The following LARGE1 variants were observed in gnomAD, a reference collection of about 807,000 sequenced individuals.
LARGE1 encodes the protein LARGE xylosyl- and glucuronyltransferase 1, also known as xylosyl- and glucuronyltransferase LARGE1.
In LARGE1, 43 loss-of-function variants were observed where a neutral mutation model predicts 87.6. The observed-to-expected ratio is 0.49, with a 90% CI of 0.38 to 0.63. LARGE1 has a LOEUF of 0.63. Ranked by LOEUF, LARGE1 falls within the 30% of genes least tolerant of loss-of-function variation. The pLI is 0.00. For missense variants in LARGE1, 802 were observed against 1,000.2 expected, an observed-to-expected ratio of 0.80 and a Z score of 2.67; for synonymous variants, 434 against 394.6, an observed-to-expected ratio of 1.10 and a Z score of -1.18.
intron 6 of LARGE1, among the ~76,000 whole-genome samples, chr22:33,535,381 A>G (rs1479957046): frequency 6.6e-6 from 1 of 152,142 alleles, no homozygotes; most frequent in Non-Finnish European, 1.5e-5. Context: ...TGTCTCTACT[A>G]AAAATACGAA....
chr22:33,310,454 G>C (rs1306828261), intron 11 of LARGE1, among the ~76,000 whole-genome samples: 2 of 152,044 alleles, frequency 1.3e-5, no homozygotes, highest in African/African-American at 4.8e-5. Context: ...AGGGAAGGGT[G>C]CTGAGCTGCT....
intron 5 of LARGE1, among the ~76,000 whole-genome samples, chr22:33,577,566 T>C (rs530184178): frequency 2.0e-5 from 3 of 152,228 alleles, no homozygotes; most frequent in Admixed American, 1.3e-4. Context: ...TACCTCCGCC[T>C]TCCCATGGAG....
intron 6 of LARGE1, among the ~76,000 whole-genome samples, chr22:33,553,763 C>A: frequency 1.3e-5 from 2 of 152,268 alleles, no homozygotes; most frequent in Non-Finnish European, 2.9e-5. Flanking sequence ...CAAGGAAGGG[C>A]CCTTGACTGA....
chr22:33,224,139 A>T (rs1925602643), intron 11 of LARGE1, among the ~76,000 whole-genome samples: 1 of 152,034 alleles, frequency 6.6e-6, no homozygotes. Flanking sequence ...GGTGGTGGGC[A>T]CCTGTTGTTC....
At position 33,407,291 on chromosome 22, in the gene LARGE1, C is replaced by T. The variant is rs542847756; in HGVS notation, c.893-22987G>A. ...TCTCTTGACTCAGCCTCCCAAGTAG[C>T]GGGAACTATAGGTGTGCACCACTGT... On this transcript the variant is annotated intron_variant, in intron 7 of 14. Transcript: ENST00000397394. Among the ~76,000 whole-genome samples the T allele has an allele frequency of 3.9e-5, 6 of 152,238 alleles. No homozygotes were observed. The South Asian group carries it at 8.3e-4, about 21-fold the overall frequency.
chr22:33,740,005 G>C (rs1263295384), intron 2 of LARGE1, among the ~76,000 whole-genome samples: 1 of 152,196 alleles, frequency 6.6e-6, no homozygotes, highest in African/African-American at 2.4e-5. Context: ...ATGATACAGT[G>C]TTTCAGACTT....
chr22:33,617,050 TTC>T (rs1437244295), intron 4 of LARGE1, among the ~76,000 whole-genome samples: 15 of 152,230 alleles, frequency 9.9e-5, no homozygotes, highest in African/African-American at 3.4e-4. Context: ...CCTGCTCTGC[TTC>T]TGTTTCTGGG....
intron 6 of LARGE1, among the ~76,000 whole-genome samples, chr22:33,541,687 T>C (rs1160244257): frequency 1.3e-5 from 2 of 150,746 alleles, no homozygotes; most frequent in Non-Finnish European, 2.9e-5. Context: ...ACTGCCCTCA[T>C]CCTGTCTGGA....
intron 9 of LARGE1, among the ~76,000 whole-genome samples, 160 bp from the exon 10 acceptor site, chr22:33,337,961 G>A (rs1032650645): frequency 6.6e-6 from 1 of 152,146 alleles, no homozygotes; most frequent in Non-Finnish European, 1.5e-5. Context: ...GTAGGGGCTC[G>A]GGGGCCAGGT....
intron 2 of LARGE1, among the ~76,000 whole-genome samples, chr22:33,760,187 G>C (rs941713367): frequency 3.3e-5 from 5 of 152,176 alleles, no homozygotes; most frequent in Admixed American, 6.5e-5. Flanking sequence ...TGAAATTCAA[G>C]TGTGGGGGTA....
intron 6 of LARGE1, among the ~76,000 whole-genome samples, chr22:33,527,766 A>G (rs982169714): frequency 1.1e-4 from 16 of 152,096 alleles, no homozygotes; most frequent in South Asian, 4.2e-4. Flanking sequence ...AACAAAAGGA[A>G]AGAAGGGAGG....
intron 1 of LARGE1, among the ~76,000 whole-genome samples, chr22:33,781,958 TAC>T (rs894023921): frequency 6.6e-6 from 1 of 151,678 alleles, no homozygotes. Flanking sequence ...TATATATATA[TAC>T]ACACACACAG....
chr22:33,368,557 A>G (rs1053299182), intron 9 of LARGE1, among the ~76,000 whole-genome samples: 1 of 151,594 alleles, frequency 6.6e-6, no homozygotes, highest in Non-Finnish European at 1.5e-5. Context: ...AAAAAAGGAA[A>G]AAAGAAAAAA....
intron 11 of LARGE1, among the ~76,000 whole-genome samples, chr22:33,266,412 T>C (rs1927942745): frequency 6.6e-6 from 1 of 151,242 alleles, no homozygotes; most frequent in South Asian, 2.1e-4. Context: ...TTAGTAGAGA[T>C]GGGGTTTCAC....
At chr22:33,781,869 G>A (rs745816622) in intron 1 of LARGE1, among the ~76,000 whole-genome samples, 1 of 152,072 alleles carries the variant, frequency 6.6e-6, no homozygotes, top group Non-Finnish European at 1.5e-5. Flanking sequence ...TGCCAGCTCC[G>A]TGGATAACAG....
intron 12 of LARGE1, among the ~76,000 whole-genome samples, chr22:33,289,317 G>A (rs1349413443): frequency 6.6e-6 from 1 of 152,130 alleles, no homozygotes; most frequent in Admixed American, 6.5e-5. Context: ...ACAATGGGAA[G>A]CCCTGTGAAC....
At chr22:33,898,022 A>G (rs547001214) in intron 1 of LARGE1, among the ~76,000 whole-genome samples, 5 of 152,256 alleles carry the variant, frequency 3.3e-5, no homozygotes, top group East Asian at 1.9e-4. Context: ...TGTTTAAAAA[A>G]CAAGAGACCC....
Position 33,277,290 on chromosome 22 carries a change from G to C in LARGE1, c.1878-35C>G, listed in dbSNP as rs762313135. On this transcript the variant is annotated intron_variant, in intron 13 of 14. Coordinates refer to ENST00000397394, the MANE Select transcript of LARGE1 (RefSeq NM_133642.5). ...ACGGAGAAAAGCCATTGGGTGTAGGGAAGGAAGCCAAGCTCTCCAAATGCA... is the reference window on the plus strand; with the variant it reads ...ACGGAGAAAAGCCATTGGGTGTAGGCAAGGAAGCCAAGCTCTCCAAATGCA... 9 of 1,602,746 alleles carry C rather than the reference G, an allele frequency of 5.6e-6. No individual in the cohort carries two copies. The Admixed American group carries it at 1.2e-4, about 21-fold the overall frequency.
chr22:33,489,540 G>A (rs1177149731), intron 6 of LARGE1, among the ~76,000 whole-genome samples: 1 of 152,106 alleles, frequency 6.6e-6, no homozygotes, highest in Non-Finnish European at 1.5e-5. Flanking sequence ...CTGTTCCTGT[G>A]GTAGTGAATA....
Sources: gnomAD v4.1 joint callset for allele counts (sites outside exome capture counted in the v4.1 genomes callset) on GRCh38, gnomAD v4.1.1 for gene constraint, MANE v1.5 for transcripts, NCBI Gene and HGNC (gene_info 2026-07-23, HGNC 2026-07-21) for gene names.